The following CNTNAP2 variants were observed in gnomAD, a reference collection of about 807,000 sequenced individuals.
CNTNAP2 encodes contactin-associated protein-like 2.
A neutral mutation model predicts 155.2 loss-of-function variants in CNTNAP2; 98 were observed. That is an observed-to-expected ratio of 0.63 (90% confidence interval 0.54 to 0.75). The LOEUF (loss-of-function observed/expected upper bound fraction) is 0.75, where lower values mean the gene tolerates loss of function less well. CNTNAP2 is among the 30% of genes least tolerant of loss of function. CNTNAP2 has a pLI of 0.00. For synonymous variants in CNTNAP2, 651 were observed against 631.2 expected, an observed-to-expected ratio of 1.03 and a Z score of -0.47; for missense variants, 1,727 against 1,688.1, an observed-to-expected ratio of 1.02 and a Z score of -0.40.
intron 3 of CNTNAP2, among the ~76,000 whole-genome samples, chr7:146,852,548 G>T (rs906613033): frequency 6.6e-6 from 1 of 151,958 alleles, no homozygotes; most frequent in South Asian, 2.1e-4. Context: ...AGTTTATTCT[G>T]CACTAGGCAC....
At chr7:147,246,786 G>A (rs551707918) in intron 8 of CNTNAP2, among the ~76,000 whole-genome samples, 3 of 152,270 alleles carry the variant, frequency 2.0e-5, no homozygotes, top group Admixed American at 6.5e-5. Context: ...AGTGATGTCT[G>A]ACCACCATGG....
intron 4 of CNTNAP2, among the ~76,000 whole-genome samples, chr7:147,059,752 T>C (rs1799627890): frequency 1.3e-5 from 2 of 152,176 alleles, no homozygotes; most frequent in African/African-American, 4.8e-5. Flanking sequence ...TCCCCCATTT[T>C]GCAAATGACA....
chr7:148,236,861 C>T (rs1449084462), intron 20 of CNTNAP2, among the ~76,000 whole-genome samples: 2 of 152,202 alleles, frequency 1.3e-5, no homozygotes, highest in Non-Finnish European at 2.9e-5. Flanking sequence ...TACGCACTTT[C>T]AAACAACCAG....
chr7:147,718,597 T>G, intron 13 of CNTNAP2, among the ~76,000 whole-genome samples: 1 of 152,116 alleles, frequency 6.6e-6, no homozygotes, highest in East Asian at 1.9e-4. Flanking sequence ...TTTGAGATCA[T>G]TTTTGGTAAG....
chr7:147,506,680 G>T (rs1479168035), intron 11 of CNTNAP2, among the ~76,000 whole-genome samples: 1 of 152,198 alleles, frequency 6.6e-6, no homozygotes, highest in African/African-American at 2.4e-5. Flanking sequence ...TGCCCGGAAG[G>T]TGTGACTTGT....
At chr7:146,472,726 T>C (rs764947711) in intron 1 of CNTNAP2, among the ~76,000 whole-genome samples, 50 of 152,068 alleles carry the variant, frequency 3.3e-4, no homozygotes, top group Non-Finnish European at 5.1e-4. Flanking sequence ...AAGATTTGAA[T>C]ATATTTTCCT....
chr7:146,159,189 C>T (rs1042723196), intron 1 of CNTNAP2, among the ~76,000 whole-genome samples: 1 of 152,166 alleles, frequency 6.6e-6, no homozygotes, highest in South Asian at 2.1e-4. Flanking sequence ...CAAAGAAATG[C>T]TGAGAGACTT....
intron 3 of CNTNAP2, among the ~76,000 whole-genome samples, chr7:146,912,987 G>T (rs756173470): frequency 1.4e-4 from 21 of 152,200 alleles, no homozygotes; most frequent in Non-Finnish European, 2.8e-4. Context: ...CATGTTATAT[G>T]TAGATGATGT....
chr7:147,910,733 T>A (rs955574985), intron 14 of CNTNAP2, among the ~76,000 whole-genome samples: 1 of 152,092 alleles, frequency 6.6e-6, no homozygotes, highest in Non-Finnish European at 1.5e-5. Context: ...TCAGATCTCA[T>A]GAGACTTAGT....
At chr7:148,203,006 C>G (rs1225422477) in intron 18 of CNTNAP2, among the ~76,000 whole-genome samples, 5 of 152,220 alleles carry the variant, frequency 3.3e-5, no homozygotes, top group African/African-American at 1.2e-4. Context: ...CTCGATAAAT[C>G]ATAATCCTTC....
rs188643281 is a variant in CNTNAP2, at chr7:148,134,675, C to T, written c.2555-12816C>T. Reference sequence around the variant, plus strand: ...TAATATCTTATTTTGATAAACTGAACTTTCTGATTAAATAGTTGTTAAAGT... The same window carrying T: ...TAATATCTTATTTTGATAAACTGAATTTTCTGATTAAATAGTTGTTAAAGT... On this transcript the variant is annotated intron_variant, in intron 16 of 23. Transcript: ENST00000361727. Among the ~76,000 whole-genome samples, 9 of 152,194 alleles carry T rather than the reference C, an allele frequency of 5.9e-5. 1 individual carries two copies. Among genetic ancestry groups the T allele is most frequent in the East Asian group, 1.9e-4 (1 of 5,178 alleles).
At chr7:148,326,746 T>C (rs1797896957) in intron 21 of CNTNAP2, among the ~76,000 whole-genome samples, 1 of 151,828 alleles carries the variant, frequency 6.6e-6, no homozygotes, top group African/African-American at 2.4e-5. Context: ...GCACCTGTAG[T>C]CCCAGCTACT....
At chr7:146,952,030 A>G (rs373557283) in intron 3 of CNTNAP2, among the ~76,000 whole-genome samples, 1 of 152,130 alleles carries the variant, frequency 6.6e-6, no homozygotes, top group Non-Finnish European at 1.5e-5. Context: ...AAAATCCTCA[A>G]TAAAATACTG....
chr7:148,205,666 A>G (rs537075060), intron 18 of CNTNAP2, among the ~76,000 whole-genome samples: 1 of 152,366 alleles, frequency 6.6e-6, no homozygotes, highest in East Asian at 1.9e-4. Flanking sequence ...ATTTCTTTCA[A>G]GAAGCCCACT....
At chr7:147,088,570 A>T (rs146468149) in intron 4 of CNTNAP2, among the ~76,000 whole-genome samples, 2 of 152,182 alleles carry the variant, frequency 1.3e-5, no homozygotes, top group African/African-American at 4.8e-5. Flanking sequence ...CTAAAATATT[A>T]TGTCATATTA....
intron 3 of CNTNAP2, among the ~76,000 whole-genome samples, chr7:146,897,037 A>G (rs1795891515): frequency 6.6e-6 from 1 of 151,902 alleles, no homozygotes. Context: ...TTCTCTGCAT[A>G]TTGCCCTGGA....
At chr7:147,231,108 C>T (rs1015454961) in intron 8 of CNTNAP2, among the ~76,000 whole-genome samples, 7 of 152,188 alleles carry the variant, frequency 4.6e-5, no homozygotes, top group Non-Finnish European at 8.8e-5. Context: ...AACATCAGCT[C>T]TCCTGAGAAC....
At chr7:147,893,442 C>A (rs2116734127) in intron 13 of CNTNAP2, among the ~76,000 whole-genome samples, 1 of 152,294 alleles carries the variant, frequency 6.6e-6, no homozygotes, top group South Asian at 2.1e-4. Flanking sequence ...ATCCCAATGG[C>A]ACCCAGTCAT....
At chr7:147,272,584 C>T (rs894528073) in intron 8 of CNTNAP2, among the ~76,000 whole-genome samples, 23 of 152,174 alleles carry the variant, frequency 1.5e-4, no homozygotes, top group Non-Finnish European at 1.9e-4. Flanking sequence ...CTGCAAGCTC[C>T]GCCTCCCGGG....
Sources: allele counts gnomAD v4.1 joint callset (sites outside exome capture counted in the v4.1 genomes callset), GRCh38; gene constraint gnomAD v4.1.1; transcripts MANE v1.5; gene names NCBI Gene and HGNC (gene_info 2026-07-23, HGNC 2026-07-21).